The following SARDH variants were observed in gnomAD, a reference collection of about 807,000 sequenced individuals.
SARDH encodes sarcosine dehydrogenase, also known as sarcosine dehydrogenase, mitochondrial.
A neutral mutation model predicts 109.1 loss-of-function variants in SARDH; 95 were observed. The observed-to-expected ratio is 0.87, with a 90% CI of 0.74 to 1.03. The LOEUF is 1.03. Among genes scored for constraint, SARDH ranks in the 50% least tolerant of loss-of-function variants. The pLI is 0.00. For synonymous variants in SARDH, 572 were observed against 534.8 expected, an observed-to-expected ratio of 1.07 and a Z score of -0.96; for missense variants, 1,267 against 1,287.8, an observed-to-expected ratio of 0.98 and a Z score of 0.25.
rs187628741 is a variant in SARDH at position 133,701,848 on chromosome 9, A to G, written c.1668+1068T>C. ...GAAATGAACGGTTTATTCCCTTCAG[A>G]ACTGGCTACAGAACCCAGTGCGGGA... On this transcript the variant is annotated intron_variant, in intron 13 of 20. Transcript: ENST00000439388. Among the ~76,000 whole-genome samples the G allele has an allele frequency of 8.1e-4, 124 of 152,344 alleles. No homozygotes were observed. The East Asian group carries it at 0.018, about 22-fold the overall frequency.
intron 15 of SARDH, among the ~76,000 whole-genome samples, chr9:133,694,025 G>A (rs548395184): frequency 2.0e-4 from 31 of 152,352 alleles, no homozygotes; most frequent in African/African-American, 7.0e-4. Context: ...AGCGTGGACA[G>A]GTTCAGAGAT....
intron 19 of SARDH, among the ~76,000 whole-genome samples, chr9:133,668,296 TCCCTCTCCCTCCCTCTCCCC>T (rs1830148958): frequency 2.0e-5 from 2 of 100,010 alleles, no homozygotes; most frequent in Non-Finnish European, 4.1e-5. Context: ...TCCCTCTCCC[TCCCTCTCCCTCCCTCTCCCC>T]CACCCTCCCT....
intron 6 of SARDH, among the ~76,000 whole-genome samples, chr9:133,725,867 C>G (rs1030077143): frequency 6.6e-6 from 1 of 152,256 alleles, no homozygotes; most frequent in Admixed American, 6.5e-5. Context: ...GTCACCTGCC[C>G]CAGAACTGGA....
chr9:133,702,949 C>G lies in SARDH; in HGVS notation c.1635G>C (p.Glu545Asp). Reference sequence around the variant, plus strand: ...GGTGGGGCGGGAAGGCGAAGGTGTACTCGTCTGCCAGCAGCCTGCGGTAGG... The same window carrying G: ...GGTGGGGCGGGAAGGCGAAGGTGTAGTCGTCTGCCAGCAGCCTGCGGTAGG... Reference protein sequence around the residue: ...DYAYRRLLADEYTFAFPPHHD... With the variant: ...DYAYRRLLADDYTFAFPPHHD... The change falls in exon 13 of 21, where the codon GAG (glutamate) becomes GAC (aspartate). Residue 545 changes from glutamate to aspartate, a missense_variant. Physicochemically the swap from Glu to Asp is conservative, Grantham distance 45. Transcript: ENST00000439388. 1 of 1,612,966 alleles carries G rather than the reference C, an allele frequency of 6.2e-7. No individual in the cohort carries two copies.
intron 10 of SARDH, among the ~76,000 whole-genome samples, chr9:133,711,357 G>A (rs1831912013): frequency 6.6e-6 from 1 of 152,216 alleles, no homozygotes; most frequent in South Asian, 2.1e-4. Context: ...ACCTGGCTCT[G>A]GTTCAAAAGC....
At chr9:133,672,998 C>T (rs28645102) in intron 17 of SARDH, among the ~76,000 whole-genome samples, 20 of 152,334 alleles carry the variant, frequency 1.3e-4, no homozygotes, top group African/African-American at 3.8e-4. Flanking sequence ...CGTCCCTCCA[C>T]GGCCCTTGCA....
At chr9:133,679,543 C>T (rs129946) in intron 17 of SARDH, among the ~76,000 whole-genome samples, 2,025 of 152,314 alleles carry the variant, frequency 0.013, 45 homozygotes, top group African/African-American at 0.046. Context: ...CGGCAGGGGC[C>T]CTGGGAACAC....
chr9:133,675,723 G>A lies in SARDH; in HGVS notation c.2164-4026C>T, dbSNP rs892794735. 5.9e-5 allele frequency among the ~76,000 whole-genome samples: 9 copies of A among 152,314 alleles called. No individual in the cohort carries two copies. The East Asian group carries it at 1.5e-3, about 26-fold the overall frequency. On this transcript the variant is annotated intron_variant, in intron 17 of 20. Transcript: ENST00000439388. ...GGAATTGAAAGGAGGGATTCGAAGA[G>A]GTATTTGCACACTCATATTCACAGG...
At position 133,717,429 on chromosome 9, in the gene SARDH, G is replaced by C; in HGVS notation, c.1047C>G (p.Leu349=). 1.2e-6 allele frequency: 2 copies of C among 1,614,130 alleles called. No individual in the cohort carries two copies. The highest frequency in any genetic ancestry group is 8.5e-7 in the Non-Finnish European group (1 of 1,179,992). ...EEVSDKFAFG[L]FDLDWEVFTQ... is the part of the protein sequence containing the mutation. Reference sequence around the variant, plus strand: ...TGAACACCTCCCAGTCCAGGTCAAAGAGGCCGAAGGCAAACTTGTCTGACA... The same window carrying C: ...TGAACACCTCCCAGTCCAGGTCAAACAGGCCGAAGGCAAACTTGTCTGACA... Residue 349 remains leucine (L), a synonymous_variant, in exon 8 of 21, where the codon CTC becomes CTG. Transcript: ENST00000439388.
chr9:133,714,651 G>A (rs957891737), intron 8 of SARDH, among the ~76,000 whole-genome samples: 1 of 152,172 alleles, frequency 6.6e-6, no homozygotes, highest in African/African-American at 2.4e-5. Context: ...GTGGTGGAGC[G>A]AGCCTGTAGT....
chr9:133,694,606 C>T (rs943537707), intron 14 of SARDH, among the ~76,000 whole-genome samples: 2 of 152,218 alleles, frequency 1.3e-5, no homozygotes, highest in African/African-American at 4.8e-5. Flanking sequence ...CACCGTCACC[C>T]TTGCGGGAAG....
intron 19 of SARDH, chr9:133,667,194 GTTTTT>G (rs59643474): frequency 0.038 from 11,990 of 317,814 alleles, 17 homozygotes; most frequent in East Asian, 0.065. Context: ...TTCAACTCTG[GTTTTT>G]TTTTTTTTTT....
rs777770783 is a variant in SARDH, at chr9:133,715,649, TC to T, written c.1150+1676del. ...CACAGCCCTTCTGTGTCGGGACTCTTCCCTGTCTTTAGGGCCCTCATCCGCT... is the reference window on the plus strand; with the variant it reads ...CACAGCCCTTCTGTGTCGGGACTCTTCCTGTCTTTAGGGCCCTCATCCGCT... On this transcript the variant is annotated intron_variant, in intron 8 of 20. Coordinates refer to ENST00000439388, the MANE Select transcript of SARDH (RefSeq NM_001134707.2). Among the ~76,000 whole-genome samples the T allele has an allele frequency of 2.8e-4, 42 of 152,236 alleles. 2 individuals are homozygous for T. In the East Asian group the frequency reaches 7.4e-3, roughly 27 times the overall value.
chr9:133,714,030 G>A (rs571599366), intron 8 of SARDH, among the ~76,000 whole-genome samples: 54 of 152,324 alleles, frequency 3.5e-4, no homozygotes, highest in African/African-American at 9.1e-4. Context: ...AGGGCCACGC[G>A]TCACTGAGGT....
At position 133,692,880 on chromosome 9, in the gene SARDH, G is replaced by A. The variant is rs1038064895; in HGVS notation, c.1921+1378C>T. 3.9e-5 allele frequency among the ~76,000 whole-genome samples: 6 copies of A among 152,088 alleles called. No homozygotes were observed. The highest frequency in any genetic ancestry group is 1.4e-4 in the African/African-American group (6 of 41,422). Reference sequence around the variant, plus strand: ...CAACGGCAGGAGGGAAGGGGTGGGCGAGCTCTGCGCACCCCATAGGACCCC... The same window carrying A: ...CAACGGCAGGAGGGAAGGGGTGGGCAAGCTCTGCGCACCCCATAGGACCCC... On this transcript the variant is annotated intron_variant, in intron 15 of 20. Coordinates refer to ENST00000439388, the MANE Select transcript of SARDH (RefSeq NM_001134707.2). The surrounding 1 kb of genome is among the most constrained non-coding windows in gnomAD (Gnocchi z 5.0).
At position 133,709,065 on chromosome 9, in the gene SARDH, T is replaced by G. The variant is rs1831814422; in HGVS notation, c.1329-637A>C. On this transcript the variant is annotated intron_variant, in intron 10 of 20. Transcript: ENST00000439388. The surrounding 1 kb of genome is among the most constrained non-coding windows in gnomAD (Gnocchi z 4.2). ...AGAGTCTCTGGGGGAAAATCCCAGC[T>G]GTGTCTGGGGAGCGGCTGCCCAATC... is the stretch of plus-strand genomic sequence containing the variant. Among the ~76,000 whole-genome samples the G allele has an allele frequency of 6.6e-6, 1 of 152,098 alleles. No individual in the cohort carries two copies. The highest frequency in any genetic ancestry group is 2.4e-5 in the African/African-American group (1 of 41,414).
intron 13 of SARDH, among the ~76,000 whole-genome samples, chr9:133,697,443 G>C (rs1368371481): frequency 6.6e-6 from 1 of 152,156 alleles, no homozygotes; most frequent in Admixed American, 6.5e-5. Context: ...GCATTACCCT[G>C]ATGCCAAAAG....
At chr9:133,676,770 G>A (rs901462738) in intron 17 of SARDH, among the ~76,000 whole-genome samples, 6 of 152,220 alleles carry the variant, frequency 3.9e-5, no homozygotes, top group East Asian at 1.9e-4. Flanking sequence ...GAAGATGGTC[G>A]GTCATGAGCA....
At position 133,712,670 on chromosome 9, in the gene SARDH, T is replaced by G; in HGVS notation, c.1277A>C (p.His426Pro). The part of the protein sequence containing the change: ...LGGGCGQELA[H>P]WIIHGRPEKD... ...CTCCGGGCGCCCATGGATGATCCAG[T>G]GGGCCAGCTCCTGCCCACAGCCACC... is the stretch of plus-strand genomic sequence containing the variant. Residue 426 changes from histidine to proline, a missense_variant, in exon 10 of 21, where the codon CAC becomes CCC. His to Pro is a moderately conservative substitution (Grantham distance 77). Coordinates refer to ENST00000439388, the MANE Select transcript of SARDH (RefSeq NM_001134707.2). The surrounding 1 kb of genome is among the most constrained non-coding windows in gnomAD (Gnocchi z 4.1). The G allele has an allele frequency of 6.2e-7, 1 of 1,610,262 alleles. No individual in the cohort carries two copies. The highest frequency in any genetic ancestry group is 1.3e-5 in the African/African-American group (1 of 74,922).
Sources: allele counts gnomAD v4.1 joint callset (sites outside exome capture counted in the v4.1 genomes callset), GRCh38; gene constraint gnomAD v4.1.1; non-coding constraint Gnocchi (gnomAD v3.1); transcripts MANE v1.5; gene names NCBI Gene and HGNC (gene_info 2026-07-23, HGNC 2026-07-21).